The following SCN11A variants were observed in gnomAD, a reference collection of about 807,000 sequenced individuals.
The protein encoded by SCN11A is sodium voltage-gated channel alpha subunit 11, also known as sodium channel protein type 11 subunit alpha.
Under a neutral mutation model 162.2 loss-of-function variants are expected in SCN11A, and 122 were observed. That is an observed-to-expected ratio of 0.75 (90% CI 0.65 to 0.87). The LOEUF (loss-of-function observed/expected upper bound fraction) is 0.87. Among genes scored for constraint, SCN11A ranks in the 40% least tolerant of loss-of-function variants. The pLI, the probability that SCN11A is intolerant of heterozygous loss-of-function variation, is 0.00. For missense variants in SCN11A, 2,015 were observed against 2,181.6 expected, an observed-to-expected ratio of 0.92 and a Z score of 1.52; for synonymous variants, 758 against 751.5, an observed-to-expected ratio of 1.01 and a Z score of -0.14.
At chr3:38,930,014 T>C (rs1381470926) in intron 7 of SCN11A, among the ~76,000 whole-genome samples, 1 of 152,236 alleles carries the variant, frequency 6.6e-6, no homozygotes, top group Non-Finnish European at 1.5e-5. Flanking sequence ...AATTCTCTAA[T>C]TTATTTCCCT....
chr3:38,911,310 G>C lies in SCN11A; in HGVS notation c.960-1103C>G, dbSNP rs191292616. On this transcript the variant is annotated intron_variant, in intron 11 of 29. Coordinates refer to ENST00000302328, the MANE Select transcript of SCN11A (RefSeq NM_001349253.2). ...GTAGTTTGGCCAGAAATAGAATTCTGAGTTGGAAGTTTTTCCTTAGCAATA... is the reference window on the plus strand; with the variant it reads ...GTAGTTTGGCCAGAAATAGAATTCTCAGTTGGAAGTTTTTCCTTAGCAATA... Among the ~76,000 whole-genome samples, 145 of 152,280 alleles carry C rather than the reference G, an allele frequency of 9.5e-4. 2 individuals carry two copies. The highest frequency in any genetic ancestry group is 2.8e-3 in the African/African-American group (116 of 41,560).
intron 14 of SCN11A, among the ~76,000 whole-genome samples, chr3:38,905,973 G>A (rs1406949484): frequency 6.6e-6 from 1 of 152,180 alleles, no homozygotes; most frequent in Non-Finnish European, 1.5e-5. Flanking sequence ...GGTTTTCCTA[G>A]TGGCTTATTT....
At chr3:38,888,664 G>T (rs1452509106) in intron 19 of SCN11A, among the ~76,000 whole-genome samples, 3 of 152,210 alleles carry the variant, frequency 2.0e-5, no homozygotes, top group Non-Finnish European at 4.4e-5. Flanking sequence ...CATAAGTGGT[G>T]AAAACTGTTT....
At chr3:39,017,692 T>C (rs548002446) in intron 2 of SCN11A, among the ~76,000 whole-genome samples, 40 of 152,328 alleles carry the variant, frequency 2.6e-4, no homozygotes, top group African/African-American at 9.1e-4. Flanking sequence ...TTATTACAGT[T>C]TTCATGTAGA....
At position 38,896,905 on chromosome 3, in the gene SCN11A, A is replaced by G. The variant is rs2126117954; in HGVS notation, c.2343T>C (p.Asn781=). ...CAATAACACACAATGATGATGATGC[A>G]TTCGCTTCTTGCATACATTCCCACA... The part of the protein sequence containing the change: ...ENMWECMQEA[N]ASSSLCVIVF... The change falls in exon 18 of 30, where the codon AAT becomes AAC. Residue 781 remains asparagine (N), a synonymous_variant. Coordinates refer to ENST00000302328, the MANE Select transcript of SCN11A (RefSeq NM_001349253.2). 2 of 1,613,330 alleles carry G rather than the reference A, an allele frequency of 1.2e-6. No individual in the cohort carries two copies. Among genetic ancestry groups the G allele is most frequent in the Non-Finnish European group, 1.7e-6 (2 of 1,179,734 alleles).
In SCN11A at chr3:38,939,272, C is replaced by G. The variant is rs185933843; in HGVS notation, c.488+6139G>C. ...AATTTAAGACAAATAGAATTTAAGA[C>G]ATAGTTATAGAAAAACTATAGAATA... On this transcript the variant is annotated intron_variant, in intron 7 of 29. Transcript: ENST00000302328. 6.3e-4 allele frequency among the ~76,000 whole-genome samples: 96 copies of G among 151,410 alleles called. 1 individual carries two copies. The highest frequency in any genetic ancestry group is 1.3e-3 in the Non-Finnish European group (86 of 67,746).
chr3:38,954,524 T>C (rs1480818078), intron 3 of SCN11A, among the ~76,000 whole-genome samples: 1 of 152,128 alleles, frequency 6.6e-6, no homozygotes, highest in Non-Finnish European at 1.5e-5. Flanking sequence ...GGGAGATATT[T>C]TGCCTGGGTT....
chr3:39,039,836 T>C (rs2031998833), intron 1 of SCN11A, among the ~76,000 whole-genome samples: 1 of 152,040 alleles, frequency 6.6e-6, no homozygotes. Flanking sequence ...AGCTACCATG[T>C]ACCTGAAACA....
chr3:38,860,229 T>C (rs962733967), intron 28 of SCN11A, among the ~76,000 whole-genome samples: 1 of 152,088 alleles, frequency 6.6e-6, no homozygotes, highest in Non-Finnish European at 1.5e-5. Flanking sequence ...ATTTGAGTAA[T>C]AATAAAACTC....
chr3:39,051,815 A>C (rs1212412467), intron 1 of SCN11A, among the ~76,000 whole-genome samples, 46 bp downstream of exon 1: 1 of 152,108 alleles, frequency 6.6e-6, no homozygotes, highest in Non-Finnish European at 1.5e-5. Context: ...CTCTCTCCCC[A>C]TCAGCATTAT....
intron 2 of SCN11A, among the ~76,000 whole-genome samples, chr3:38,969,992 G>A (rs961390567): frequency 6.7e-5 from 10 of 149,894 alleles, no homozygotes; most frequent in South Asian, 2.1e-4. Flanking sequence ...TATCTGCAGC[G>A]CAGATGTTAG....
At chr3:38,938,875 T>C (rs1328552497) in intron 7 of SCN11A, among the ~76,000 whole-genome samples, 2 of 151,912 alleles carry the variant, frequency 1.3e-5, no homozygotes, top group African/African-American at 4.8e-5. Flanking sequence ...AAAAATATTA[T>C]ATTTTTAAAT....
chr3:38,846,809 C>A lies in SCN11A; in HGVS notation c.5261G>T (p.Gly1754Val). 1.2e-6 allele frequency: 2 copies of A among 1,613,992 alleles called. No homozygotes were observed. Among genetic ancestry groups the A allele is most frequent in the Non-Finnish European group, 1.7e-6 (2 of 1,179,972 alleles). The change falls in exon 30 of 30, where the codon GGT becomes GTT. Residue 1754 changes from glycine (G) to valine (V), a missense_variant. By Grantham distance (109) the Gly-to-Val change is moderately radical. Transcript: ENST00000302328. Reference protein sequence around the residue: ...FRKYMMKVTKGDQGDQNDLEN... With the variant: ...FRKYMMKVTKVDQGDQNDLEN... ...CAAGTCATTTTGGTCACCTTGGTCACCCTTGGTCACCTTCATCATGTACTT... is the reference window on the plus strand; with the variant it reads ...CAAGTCATTTTGGTCACCTTGGTCAACCTTGGTCACCTTCATCATGTACTT...
At chr3:38,909,944 G>T in intron 12 of SCN11A, 122 bp downstream of exon 12, 1 of 962,392 alleles carries the variant, frequency 1.0e-6, no homozygotes, top group Non-Finnish European at 1.5e-6. Flanking sequence ...TGAGACAGAT[G>T]ATAAAAGTGG....
chr3:38,925,861 T>C (rs1355733448), intron 8 of SCN11A, among the ~76,000 whole-genome samples: 1 of 152,248 alleles, frequency 6.6e-6, no homozygotes, highest in Non-Finnish European at 1.5e-5. Context: ...TAAAGTCTCC[T>C]GCCACTACAT....
chr3:38,953,810 C>G (rs543814019), intron 3 of SCN11A, among the ~76,000 whole-genome samples, 51 bp from the exon 4 acceptor site: 1 of 152,276 alleles, frequency 6.6e-6, no homozygotes, highest in African/African-American at 2.4e-5. Context: ...AATCATAGTT[C>G]ACACATGTCA....
intron 7 of SCN11A, among the ~76,000 whole-genome samples, chr3:38,940,942 A>G (rs554227780): frequency 1.3e-5 from 2 of 152,344 alleles, no homozygotes; most frequent in South Asian, 4.1e-4. Flanking sequence ...GAAAATATAT[A>G]TATAAGGACA....
At chr3:38,918,464 A>G (rs2065994992) in intron 11 of SCN11A, among the ~76,000 whole-genome samples, 1 of 152,216 alleles carries the variant, frequency 6.6e-6, no homozygotes, top group African/African-American at 2.4e-5. Flanking sequence ...CAAGGGATCT[A>G]GGTTGCACGC....
intron 4 of SCN11A, among the ~76,000 whole-genome samples, chr3:38,951,974 G>A (rs1309372643): frequency 6.6e-6 from 1 of 152,122 alleles, no homozygotes; most frequent in Non-Finnish European, 1.5e-5. Context: ...CCACACTGTG[G>A]AAGCTTTGTT....
Sources: allele counts gnomAD v4.1 joint callset (sites outside exome capture counted in the v4.1 genomes callset), GRCh38; gene constraint gnomAD v4.1.1; transcripts MANE v1.5; gene names NCBI Gene and HGNC (gene_info 2026-07-23, HGNC 2026-07-21).